CD58: variants seen among roughly 807,000 people sequenced by gnomAD.
CD58 encodes the protein CD58 molecule.
Under a neutral mutation model 27.6 loss-of-function variants are expected in CD58, and 14 were observed. The ratio of observed to expected loss-of-function variants is 0.51; its 90% CI spans 0.34 to 0.79. The LOEUF is 0.79. CD58 is among the 30% of genes least tolerant of loss of function. The pLI, the probability that CD58 is intolerant of heterozygous loss-of-function variation, is 0.02. For missense variants in CD58, 268 were observed against 301.7 expected (o/e 0.89, Z 0.83); for synonymous variants, 117 against 103.8 (o/e 1.13, Z -0.77).
At position 116,522,828 on chromosome 1, in the gene CD58, T is replaced by C. The variant is rs1321576252; in HGVS notation, c.629-845A>G. ...GTAGGGCAATTCTGGCAGTTGTATA[T>C]AATAAGCCTTAAAAATATTTATCAT... On this transcript the variant is annotated intron_variant, in intron 3 of 5. Transcript: ENST00000369489. The surrounding 1 kb of genome is among the most constrained non-coding windows in gnomAD (Gnocchi z 4.6). Among the ~76,000 whole-genome samples the C allele has an allele frequency of 6.6e-6, 1 of 152,062 alleles. No individual in the cohort carries two copies. The highest frequency in any genetic ancestry group is 1.5e-5 in the Non-Finnish European group (1 of 68,030).
rs1028418783 is a variant in CD58, at chr1:116,516,230, C to T, written c.744-1408G>A. 3.3e-5 allele frequency among the ~76,000 whole-genome samples: 5 copies of T among 152,082 alleles called. No individual in the cohort carries two copies. Among genetic ancestry groups the T allele is most frequent in the Admixed American group, 2.0e-4 (3 of 15,276 alleles). On this transcript the variant is annotated intron_variant, in intron 5 of 5. Coordinates refer to ENST00000369489, the MANE Select transcript of CD58 (RefSeq NM_001779.3). This position sits in a 1 kb window ranked among gnomAD's most constrained non-coding sequence, Gnocchi z 6.1. Reference sequence around the variant, plus strand: ...TAGTAACTGAGCTTAGAGAATTCCCCCTGCTGCCACAATGGGTTCTTTAAA... The same window carrying T: ...TAGTAACTGAGCTTAGAGAATTCCCTCTGCTGCCACAATGGGTTCTTTAAA...
At chr1:116,549,079 G>C (rs919533193) in intron 1 of CD58, among the ~76,000 whole-genome samples, 11 of 152,156 alleles carry the variant, frequency 7.2e-5, no homozygotes, top group Non-Finnish European at 1.2e-4. Flanking sequence ...TTCAGGATGG[G>C]ATTCATTTAT....
chr1:116,518,731 A>G, intron 5 of CD58: 3 of 991,596 alleles, frequency 3.0e-6, no homozygotes, highest in Non-Finnish European at 3.6e-6. Context: ...CACTGCTGCT[A>G]ATTGTGTTTG....
rs1256419700 is a variant in CD58, at chr1:116,519,830, G to A, written c.707-563C>T. ...ACTCCCACATTTCAAGTGCTCCATAGCCACATGTAGCTCATGGCTACTATT... is the reference window on the plus strand; with the variant it reads ...ACTCCCACATTTCAAGTGCTCCATAACCACATGTAGCTCATGGCTACTATT... On this transcript the variant is annotated intron_variant, in intron 4 of 5. Coordinates refer to ENST00000369489, the MANE Select transcript of CD58 (RefSeq NM_001779.3). This position sits in a 1 kb window ranked among gnomAD's most constrained non-coding sequence, Gnocchi z 4.7. Among the ~76,000 whole-genome samples the A allele has an allele frequency of 6.6e-6, 1 of 152,134 alleles. No homozygotes were observed. The highest frequency in any genetic ancestry group is 1.5e-5 in the Non-Finnish European group (1 of 68,028).
intron 1 of CD58, among the ~76,000 whole-genome samples, chr1:116,565,367 G>C (rs1263437027): frequency 6.6e-6 from 1 of 152,174 alleles, no homozygotes; most frequent in Non-Finnish European, 1.5e-5. Flanking sequence ...TCAGGGTCCT[G>C]AGTAGTAGAC....
chr1:116,563,739 T>C lies in CD58; in HGVS notation c.70+7164A>G, dbSNP rs1186091943. ...CATGCAGGGCTCCATGTTTGGAGGC[T>C]GCAAAGAGCAGGGGGGCCCTGGGTC... On this transcript the variant is annotated intron_variant, in intron 1 of 5. Coordinates refer to ENST00000369489, the MANE Select transcript of CD58 (RefSeq NM_001779.3). The surrounding 1 kb of genome is among the most constrained non-coding windows in gnomAD (Gnocchi z 4.1). 6.6e-6 allele frequency among the ~76,000 whole-genome samples: 1 copy of C among 152,286 alleles called. No individual in the cohort carries two copies. Among genetic ancestry groups the C allele is most frequent in the African/African-American group, 2.4e-5 (1 of 41,574 alleles).
chr1:116,532,550 G>A lies in CD58; in HGVS notation c.628+3415C>T, dbSNP rs1268560235. On this transcript the variant is annotated intron_variant, in intron 3 of 5. Coordinates refer to ENST00000369489, the MANE Select transcript of CD58 (RefSeq NM_001779.3). The surrounding 1 kb of genome is among the most constrained non-coding windows in gnomAD (Gnocchi z 5.1). The stretch of plus-strand genomic sequence containing the variant: ...TTCAGTCCAACTGCAGGAGTGGTAG[G>A]AGAGGTTCTAGATCCCTGGAACCTC... Among the ~76,000 whole-genome samples the A allele has an allele frequency of 6.6e-6, 1 of 152,164 alleles. No individual in the cohort carries two copies. The highest frequency in any genetic ancestry group is 2.4e-5 in the African/African-American group (1 of 41,440).
intron 1 of CD58, among the ~76,000 whole-genome samples, chr1:116,567,210 C>CG (rs1658967816): frequency 1.2e-5 from 1 of 86,754 alleles, no homozygotes; most frequent in African/African-American, 3.8e-5. Flanking sequence ...AGGGAAGGGA[C>CG]AGGAAGGGAG....
chr1:116,525,282 T>C (rs1040304274), intron 3 of CD58, among the ~76,000 whole-genome samples: 1 of 152,248 alleles, frequency 6.6e-6, no homozygotes, highest in Non-Finnish European at 1.5e-5. Context: ...TAGGTAAAAT[T>C]TGCATAGCAT....
At chr1:116,566,814 CA>C (rs1309491048) in intron 1 of CD58, among the ~76,000 whole-genome samples, 12 of 151,894 alleles carry the variant, frequency 7.9e-5, no homozygotes, top group Admixed American at 3.3e-4. Flanking sequence ...CATTACTGAA[CA>C]ATGTAAACTA....
intron 1 of CD58, among the ~76,000 whole-genome samples, chr1:116,553,782 T>C (rs1015876859): frequency 6.6e-6 from 1 of 152,172 alleles, no homozygotes; most frequent in South Asian, 2.1e-4. Context: ...ATTAGGACCA[T>C]CACCTTGGGA....
intron 2 of CD58, among the ~76,000 whole-genome samples, chr1:116,539,508 AAAAAGAAAAG>A (rs150111915): frequency 4.2e-4 from 64 of 152,302 alleles, no homozygotes; most frequent in Non-Finnish European, 6.8e-4. Context: ...AGGGTTTGTA[AAAAAGAAAAG>A]AAAAGAAAAG....
intron 1 of CD58, among the ~76,000 whole-genome samples, chr1:116,562,836 T>G (rs916626212): frequency 1.3e-5 from 2 of 152,156 alleles, no homozygotes; most frequent in Admixed American, 6.6e-5. Flanking sequence ...AAGGTGAGAT[T>G]TGGGTGGGGA....
Position 116,550,272 on chromosome 1 carries a change from A to G in CD58, c.71-5668T>C, listed in dbSNP as rs1016819111. Among the ~76,000 whole-genome samples, 1 of 152,240 alleles carries G rather than the reference A, an allele frequency of 6.6e-6. No individual in the cohort carries two copies. Among genetic ancestry groups the G allele is most frequent in the Non-Finnish European group, 1.5e-5 (1 of 68,030 alleles). ...TGCTGTTTGATAGAATTTTACTCAC[A>G]GTAAAACTGCTTTCAAAATTAGAGT... On this transcript the variant is annotated intron_variant, in intron 1 of 5. Coordinates refer to ENST00000369489, the MANE Select transcript of CD58 (RefSeq NM_001779.3). The surrounding 1 kb of genome is among the most constrained non-coding windows in gnomAD (Gnocchi z 4.2).
rs939859266 is a variant in CD58, at chr1:116,521,724, A to G, written c.706+182T>C. 1 of 533,780 alleles carries G rather than the reference A, an allele frequency of 1.9e-6. No individual in the cohort carries two copies. The highest frequency in any genetic ancestry group is 1.9e-5 in the African/African-American group (1 of 51,520). 33.1% of individuals were successfully genotyped at this position (533,780 alleles called of 1,614,324 possible). A position where few individuals can be genotyped will look rare whatever the true frequency, so the allele number is the denominator to read the frequency against. On this transcript the variant is annotated intron_variant, in intron 4 of 5. Transcript: ENST00000369489. This position sits in a 1 kb window ranked among gnomAD's most constrained non-coding sequence, Gnocchi z 5.6. The stretch of plus-strand genomic sequence containing the variant: ...GCCTAAGGATTCATTCTACCTTGAG[A>G]TAATGTGGATCTTTGGAGGAACCTA...
Position 116,550,002 on chromosome 1 carries a change from T to C in CD58, c.71-5398A>G, listed in dbSNP as rs1328155878. Among the ~76,000 whole-genome samples, 1 of 152,084 alleles carries C rather than the reference T, an allele frequency of 6.6e-6. No individual in the cohort carries two copies. Among genetic ancestry groups the C allele is most frequent in the Non-Finnish European group, 1.5e-5 (1 of 68,020 alleles). On this transcript the variant is annotated intron_variant, in intron 1 of 5. Transcript: ENST00000369489. The surrounding 1 kb of genome is among the most constrained non-coding windows in gnomAD (Gnocchi z 4.2). ...ATTATGTCTAAAAACACAATGTACATATTTAATTAAAAAATACTTTATTGC... is the reference window on the plus strand; with the variant it reads ...ATTATGTCTAAAAACACAATGTACACATTTAATTAAAAAATACTTTATTGC...
chr1:116,518,963 T>C (rs1571055819), intron 5 of CD58: 1 of 999,458 alleles, frequency 1.0e-6, no homozygotes, highest in Non-Finnish European at 1.4e-6. Flanking sequence ...GAATCTCATA[T>C]GCGCTGTCTC....
chr1:116,534,183 C>A lies in CD58; in HGVS notation c.628+1782G>T. 1.6e-6 allele frequency: 1 copy of A among 609,990 alleles called. No individual in the cohort carries two copies. Among genetic ancestry groups the A allele is most frequent in the Non-Finnish European group, 3.0e-6 (1 of 334,508 alleles). 37.8% of individuals were successfully genotyped at this position (609,990 alleles called of 1,614,324 possible). A position where few individuals can be genotyped will look rare whatever the true frequency, so the allele number is the denominator to read the frequency against. On this transcript the variant is annotated intron_variant, in intron 3 of 5. Coordinates refer to ENST00000369489, the MANE Select transcript of CD58 (RefSeq NM_001779.3). The surrounding 1 kb of genome is among the most constrained non-coding windows in gnomAD (Gnocchi z 5.3). ...GCCAGTCCTCGGGGAGCACACGCCG[C>A]CCATCTGGCTCGCACCGCACAGCTC...
rs191110364 is a variant in CD58, at chr1:116,560,465, G to T, written c.70+10438C>A. ...ATCCTTGTTATTTTCTAGATACTCA[G>T]TTCATCGTTGGGAAACTCTATTGCA... On this transcript the variant is annotated intron_variant, in intron 1 of 5. Transcript: ENST00000369489. 2.2e-4 allele frequency among the ~76,000 whole-genome samples: 33 copies of T among 152,300 alleles called. 1 individual carries two copies. Among genetic ancestry groups the T allele is most frequent in the Admixed American group, 1.6e-3 (24 of 15,296 alleles).
Sources: gnomAD v4.1 joint callset for allele counts (sites outside exome capture counted in the v4.1 genomes callset) on GRCh38, gnomAD v4.1.1 for gene constraint, Gnocchi (gnomAD v3.1) non-coding constraint, MANE v1.5 for transcripts, NCBI Gene and HGNC (gene_info 2026-07-23, HGNC 2026-07-21) for gene names.